Variants in PRDX2 observed in about 807,000 individuals in gnomAD.
PRDX2 encodes the protein peroxiredoxin 2.
Under a neutral mutation model 19.8 loss-of-function variants are expected in PRDX2, and 10 were observed. That is an observed-to-expected ratio of 0.50 (90% CI 0.31 to 0.86). The LOEUF is 0.86. Among genes scored for constraint, PRDX2 ranks in the 40% least tolerant of loss-of-function variants. The pLI is 0.04. For synonymous variants in PRDX2, 118 were observed against 108.2 expected, an observed-to-expected ratio of 1.09 and a Z score of -0.56; for missense variants, 226 against 260.1, an observed-to-expected ratio of 0.87 and a Z score of 0.90.
chr19:12,800,559 C>A lies in PRDX2; in HGVS notation c.258-260G>T. 1.9e-5 allele frequency: 16 copies of A among 847,888 alleles called. No individual in the cohort carries two copies. In the South Asian group the frequency reaches 3.0e-4, roughly 16 times the overall value. 52.5% of individuals were successfully genotyped at this position (847,888 alleles called of 1,614,324 possible). A position where few individuals can be genotyped will look rare whatever the true frequency, so the allele number is the denominator to read the frequency against. The stretch of plus-strand genomic sequence containing the variant: ...CTTGCAGCATCACCCAGCAGAGAGC[C>A]TGTGTTAAGAGTCCCCATCCTCCTC... On this transcript the variant is annotated intron_variant, in intron 3 of 5. Transcript: ENST00000301522.
Position 12,801,183 on chromosome 19 carries a change from C to T in PRDX2, c.79G>A (p.Glu27Lys). Reference protein sequence around the residue: ...ATAVVDGAFKEVKLSDYKGKY... With the variant: ...ATAVVDGAFKKVKLSDYKGKY... ...CCTTTGTAGTCCGACAGCTTCACCTCTTTGAAGGCGCCATCAACCACCGCT... is the reference window on the plus strand; with the variant it reads ...CCTTTGTAGTCCGACAGCTTCACCTTTTTGAAGGCGCCATCAACCACCGCT... Residue 27 changes from glutamate (E) to lysine (K), a missense_variant, in exon 2 of 6, where the codon GAG becomes AAG. Transcript: ENST00000301522. The T allele has an allele frequency of 6.2e-7, 1 of 1,614,024 alleles. No homozygotes were observed. The highest frequency in any genetic ancestry group is 2.2e-5 in the East Asian group (1 of 44,884).
chr19:12,798,228 G>T (rs1378722686), intron 5 of PRDX2, among the ~76,000 whole-genome samples: 1 of 151,822 alleles, frequency 6.6e-6, no homozygotes, highest in Non-Finnish European at 1.5e-5. Flanking sequence ...TGTATTTTTA[G>T]TAGAGACAGG....
At chr19:12,801,331 G>A (rs898575811) in intron 1 of PRDX2, 61 bp from the exon 2 acceptor site, 3 of 1,512,258 alleles carry the variant, frequency 2.0e-6, no homozygotes, top group Non-Finnish European at 1.8e-6. Context: ...ACCCAAGGTC[G>A]CGCTGCGTGC....
At chr19:12,798,692 TA>T (rs563105953) in intron 5 of PRDX2, among the ~76,000 whole-genome samples, 7,979 of 124,766 alleles carry the variant, frequency 0.064, 428 homozygotes, top group African/African-American at 0.14. Flanking sequence ...CCCCATCTCT[TA>T]AAAAAAAAAA....
At chr19:12,800,132 G>A (rs781379618) in intron 4 of PRDX2, 45 bp downstream of exon 4, 2 of 1,606,104 alleles carry the variant, frequency 1.2e-6, no homozygotes, top group Non-Finnish European at 1.7e-6. Flanking sequence ...TCACAGGAAT[G>A]GGGGGCAGGG....
Position 12,799,904 on chromosome 19 carries a change from G to C in PRDX2, c.466C>G (p.Leu156Val). ...TACTGGAAGGCCTGGACCAGCCGCA[G>C]AGCCTCATCCACGGAGCGTCCCACA... ...LPVGRSVDEALRLVQAFQYTD... is the reference protein window; with the variant it reads ...LPVGRSVDEAVRLVQAFQYTD... The change falls in exon 5 of 6, where the codon CTG (leucine) becomes GTG (valine). Residue 156 changes from leucine (L) to valine (V), a missense_variant. Physicochemically the swap from Leu to Val is conservative, Grantham distance 32. Transcript: ENST00000301522. The C allele has an allele frequency of 6.2e-7, 1 of 1,613,694 alleles. No homozygotes were observed. The highest frequency in any genetic ancestry group is 1.1e-5 in the South Asian group (1 of 91,056).
rs1461506164 is a variant in PRDX2 at position 12,799,721 on chromosome 19, T to C, written c.511+138A>G. On this transcript the variant is annotated intron_variant, in intron 5 of 5. Coordinates refer to ENST00000301522, the MANE Select transcript of PRDX2 (RefSeq NM_005809.6). ...GTCTCCTACCACATTAGAAACATCC[T>C]GCAGACAAAGCCCTGAGCTGAATCT... 4 of 1,225,832 alleles carry C rather than the reference T, an allele frequency of 3.3e-6. No homozygotes were observed. The African/African-American group carries it at 6.1e-5, about 19-fold the overall frequency. 75.9% of individuals were successfully genotyped at this position (1,225,832 alleles called of 1,614,324 possible).
chr19:12,800,442 C>A, intron 3 of PRDX2, 143 bp from the exon 4 acceptor site: 1 of 1,111,510 alleles, frequency 9.0e-7, no homozygotes, highest in Non-Finnish European at 1.3e-6. Flanking sequence ...CCACCCCACC[C>A]TGGGTTGGGT....
intron 5 of PRDX2, among the ~76,000 whole-genome samples, chr19:12,799,232 G>C (rs1175469831): frequency 6.7e-6 from 1 of 148,732 alleles, no homozygotes; most frequent in African/African-American, 2.5e-5. Context: ...GGGTCTTGCT[G>C]TGTCACCCAG....
At position 12,798,614 on chromosome 19, in the gene PRDX2, A is replaced by G. The variant is rs142494183; in HGVS notation, c.511+1245T>C. Among the ~76,000 whole-genome samples the G allele has an allele frequency of 4.2e-3, 622 of 146,426 alleles. 4 individuals are homozygous for G. The highest frequency in any genetic ancestry group is 0.014 in the African/African-American group (564 of 39,060). ...GATCCACCCACCTAGGCCTCCCAAA[A>G]TGCTGGGATTACAGGTGTGAGCCAC... On this transcript the variant is annotated intron_variant, in intron 5 of 5. Transcript: ENST00000301522.
In PRDX2 at chr19:12,801,243, G is replaced by T. The variant is rs774557813; in HGVS notation, c.19C>A (p.Arg7Ser). 4 of 1,613,362 alleles carry T rather than the reference G, an allele frequency of 2.5e-6. No individual in the cohort carries two copies. In the Admixed American group the frequency reaches 5.0e-5, roughly 20 times the overall value. The change falls in exon 2 of 6, where the codon CGC becomes AGC. Residue 7 changes from arginine to serine, a missense_variant. Arg to Ser is a moderately radical substitution (Grantham distance 110). Coordinates refer to ENST00000301522, the MANE Select transcript of PRDX2 (RefSeq NM_005809.6). Reference sequence around the variant, plus strand: ...AAGTCAGGGGCTGGCTTTCCGATGCGCGCGTTACCGGAGGCCATGACTGAA... The same window carrying T: ...AAGTCAGGGGCTGGCTTTCCGATGCTCGCGTTACCGGAGGCCATGACTGAA... MASGNARIGKPAPDFKA... is the reference protein window; with the variant it reads MASGNASIGKPAPDFKA...
Position 12,801,044 on chromosome 19 carries a change from G to A in PRDX2, c.129C>T (p.Tyr43=), listed in dbSNP as rs1443681627. The change falls in exon 3 of 6, where the codon TAC becomes TAT. Residue 43 remains tyrosine, a synonymous_variant. Transcript: ENST00000301522. ...YKGKYVVLFF[Y]PLDFTFVCPT... ...GGCACACAAAAGTGAAGTCCAGAGG[G>A]TAGAAAAAGAGGACCACGTACTTCC... 3 of 1,611,064 alleles carry A rather than the reference G, an allele frequency of 1.9e-6. No individual in the cohort carries two copies. Among genetic ancestry groups the A allele is most frequent in the Admixed American group, 3.4e-5 (2 of 59,648 alleles).
rs568076622 is a variant in PRDX2 at position 12,801,265 on chromosome 19, T to C, written c.-4A>G. 9.9e-6 allele frequency: 16 copies of C among 1,610,724 alleles called. No individual in the cohort carries two copies. The African/African-American group carries it at 1.5e-4, about 15-fold the overall frequency. Reference sequence around the variant, plus strand: ...TGCGCGCGTTACCGGAGGCCATGACTGAAAGCTGAGACCCCCGCCCGGTCA... The same window carrying C: ...TGCGCGCGTTACCGGAGGCCATGACCGAAAGCTGAGACCCCCGCCCGGTCA... On this transcript the variant is annotated 5_prime_UTR_variant, in exon 2 of 6. Coordinates refer to ENST00000301522, the MANE Select transcript of PRDX2 (RefSeq NM_005809.6).
Position 12,800,951 on chromosome 19 carries a change from G to C in PRDX2, c.222C>G (p.Gly74=), listed in dbSNP as rs747415959. 2 of 1,611,436 alleles carry C rather than the reference G, an allele frequency of 1.2e-6. No individual in the cohort carries two copies. The highest frequency in any genetic ancestry group is 1.7e-5 in the Admixed American group (1 of 59,892). Residue 74 remains glycine, a synonymous_variant, in exon 3 of 6, where the codon GGC becomes GGG. Coordinates refer to ENST00000301522, the MANE Select transcript of PRDX2 (RefSeq NM_005809.6). ...DFRKLGCEVL[G]VSVDSQFTHL... ...GGGTGAACTGAGAGTCCACCGAGAC[G>C]CCCAGCACTTCACAGCCCAGCTTGC...
chr19:12,800,948 G>C lies in PRDX2; in HGVS notation c.225C>G (p.Val75=), dbSNP rs933194804. The C allele has an allele frequency of 1.9e-6, 3 of 1,611,366 alleles. No individual in the cohort carries two copies. The highest frequency in any genetic ancestry group is 1.3e-5 in the African/African-American group (1 of 74,980). ...GGTGGGTGAACTGAGAGTCCACCGA[G>C]ACGCCCAGCACTTCACAGCCCAGCT... ...FRKLGCEVLG[V]SVDSQFTHLA... Residue 75 remains valine (V), a synonymous_variant, in exon 3 of 6, where the codon GTC becomes GTG. Transcript: ENST00000301522.
chr19:12,800,325 G>A, intron 3 of PRDX2, 26 bp from the exon 4 acceptor site: 1 of 1,603,504 alleles, frequency 6.2e-7, no homozygotes, highest in East Asian at 2.2e-5. Context: ...ACAGAGTTGG[G>A]GCCTCAGGAT....
chr19:12,797,221 A>C (rs1968805942), intron 5 of PRDX2, 55 bp from the exon 6 acceptor site: 1 of 1,495,458 alleles, frequency 6.7e-7, no homozygotes, highest in Non-Finnish European at 9.3e-7. Flanking sequence ...TTCAAGGTGA[A>C]GCAAAGCAAG....
At chr19:12,800,776 A>ACTTGGG in intron 3 of PRDX2, 140 bp downstream of exon 3, 1 of 1,545,270 alleles carries the variant, frequency 6.5e-7, no homozygotes, top group Middle Eastern at 1.7e-4. Context: ...ATCCTTAAAG[A>ACTTGGG]CTTGGGCGGC....
intron 5 of PRDX2, among the ~76,000 whole-genome samples, chr19:12,798,752 G>T (rs1480348964): frequency 6.7e-6 from 1 of 148,938 alleles, no homozygotes; most frequent in Non-Finnish European, 1.5e-5. Flanking sequence ...TCAAATTCCT[G>T]GGCCTAAGCA....
Sources: gnomAD v4.1 joint callset for allele counts (sites outside exome capture counted in the v4.1 genomes callset) on GRCh38, gnomAD v4.1.1 for gene constraint, MANE v1.5 for transcripts, NCBI Gene and HGNC (gene_info 2026-07-23, HGNC 2026-07-21) for gene names.